The following NRG3 variants were observed in gnomAD, a reference collection of about 807,000 sequenced individuals.
NRG3 encodes neuregulin 3.
NRG3 carries 31 observed loss-of-function variants against 66.9 expected under a neutral mutation model. That is an observed-to-expected ratio of 0.46 (90% CI 0.35 to 0.63). The LOEUF (loss-of-function observed/expected upper bound fraction) is 0.63, where lower values mean the gene tolerates loss of function less well. NRG3 is among the 20% of genes least tolerant of loss of function. The probability of loss-of-function intolerance (pLI) is 0.00; values close to 1 mark genes in which losing one functional copy is unlikely to be tolerated. For missense variants in NRG3, 910 were observed against 878.9 expected, an observed-to-expected ratio of 1.04 and a Z score of -0.45; for synonymous variants, 393 against 359.4, an observed-to-expected ratio of 1.09 and a Z score of -1.06.
intron 1 of NRG3, among the ~76,000 whole-genome samples, chr10:82,137,056 C>T (rs2069417588): frequency 1.3e-5 from 2 of 152,154 alleles, no homozygotes; most frequent in Admixed American, 1.3e-4. Context: ...TCTGGAGGTG[C>T]TTTCTTGTGT....
chr10:82,418,061 A>G (rs2088709635), intron 2 of NRG3, among the ~76,000 whole-genome samples: 1 of 152,214 alleles, frequency 6.6e-6, no homozygotes, highest in South Asian at 2.1e-4. Flanking sequence ...AGAATTTGCC[A>G]TTTTAGTGAT....
chr10:82,324,375 T>C (rs888384643), intron 1 of NRG3, among the ~76,000 whole-genome samples: 7 of 152,138 alleles, frequency 4.6e-5, no homozygotes, highest in African/African-American at 1.7e-4. Context: ...AAGTTTTTAT[T>C]TCACTAGTTT....
intron 1 of NRG3, among the ~76,000 whole-genome samples, chr10:82,168,261 G>T (rs1438421129): frequency 6.6e-6 from 1 of 152,036 alleles, no homozygotes; most frequent in Non-Finnish European, 1.5e-5. Flanking sequence ...AAAATGCTGT[G>T]CTTGAAACCT....
rs544926704 is a variant in NRG3 at position 82,500,371 on chromosome 10, G to A, written c.953+141503G>A. The stretch of plus-strand genomic sequence containing the variant: ...AGCCTCTGAGCTACTTTGTTCCTCA[G>A]TGTCCCCATTGCATATACTTGGCAA... On this transcript the variant is annotated intron_variant, in intron 2 of 8. Coordinates refer to ENST00000372141, the MANE Select transcript of NRG3 (RefSeq NM_001010848.4). Among the ~76,000 whole-genome samples the A allele has an allele frequency of 2.2e-4, 34 of 152,248 alleles. No individual in the cohort carries two copies. In the South Asian group the frequency reaches 7.1e-3, roughly 32 times the overall value.
chr10:82,746,136 C>T (rs2058635415), intron 3 of NRG3, among the ~76,000 whole-genome samples: 1 of 152,176 alleles, frequency 6.6e-6, no homozygotes, highest in Non-Finnish European at 1.5e-5. Flanking sequence ...AGGAGATCCT[C>T]CCATCTCAGT....
At chr10:82,159,252 A>G (rs2071401924) in intron 1 of NRG3, among the ~76,000 whole-genome samples, 1 of 151,880 alleles carries the variant, frequency 6.6e-6, no homozygotes, top group African/African-American at 2.4e-5. Flanking sequence ...TCTCTATTGC[A>G]CTCAGGAAAT....
intron 2 of NRG3, among the ~76,000 whole-genome samples, chr10:82,456,311 T>C (rs920397606): frequency 6.6e-6 from 1 of 152,102 alleles, no homozygotes; most frequent in Admixed American, 6.5e-5. Flanking sequence ...GGCTAATTTT[T>C]TTTTATTTTT....
At chr10:81,927,297 T>G (rs1240388156) in intron 1 of NRG3, among the ~76,000 whole-genome samples, 3 of 152,200 alleles carry the variant, frequency 2.0e-5, no homozygotes, top group African/African-American at 7.2e-5. Flanking sequence ...ATATCCTATC[T>G]GCTGTAATTT....
chr10:82,086,552 ATCTGGG>A (rs1225215138), intron 1 of NRG3, among the ~76,000 whole-genome samples: 1 of 152,104 alleles, frequency 6.6e-6, no homozygotes, highest in African/African-American at 2.4e-5. Context: ...CTTCATATTG[ATCTGGG>A]TCTTGAACCA....
intron 1 of NRG3, among the ~76,000 whole-genome samples, chr10:82,124,041 C>T (rs987762929): frequency 2.0e-5 from 3 of 152,102 alleles, no homozygotes; most frequent in Middle Eastern, 3.4e-3. Flanking sequence ...ACCACTATTG[C>T]GATGTCATTT....
chr10:82,900,592 C>T (rs1198837511), intron 4 of NRG3, among the ~76,000 whole-genome samples: 1 of 152,028 alleles, frequency 6.6e-6, no homozygotes, highest in African/African-American at 2.4e-5. Flanking sequence ...ATAAAATAAA[C>T]AGTACTTATA....
At chr10:82,287,920 G>C (rs993334303) in intron 1 of NRG3, among the ~76,000 whole-genome samples, 32 of 152,292 alleles carry the variant, frequency 2.1e-4, no homozygotes, top group African/African-American at 7.7e-4. Context: ...TGTTGATCAT[G>C]ATTATCGGGA....
intron 1 of NRG3, among the ~76,000 whole-genome samples, chr10:82,106,074 G>C (rs924184384): frequency 6.6e-6 from 1 of 152,158 alleles, no homozygotes; most frequent in Non-Finnish European, 1.5e-5. Flanking sequence ...CACTAACCTT[G>C]TATTGACAGT....
intron 8 of NRG3, among the ~76,000 whole-genome samples, chr10:82,981,934 T>C (rs1852952261): frequency 6.6e-6 from 1 of 152,186 alleles, no homozygotes; most frequent in South Asian, 2.1e-4. Flanking sequence ...CAACTTTATA[T>C]ACTTCTCTTC....
At chr10:82,021,810 G>C (rs2062074670) in intron 1 of NRG3, among the ~76,000 whole-genome samples, 1 of 104,876 alleles carries the variant, frequency 9.5e-6, no homozygotes. Context: ...GTGTGTGTGT[G>C]TGTGTGTGTG....
chr10:82,818,772 C>T (rs769625116), intron 3 of NRG3, among the ~76,000 whole-genome samples: 8 of 152,184 alleles, frequency 5.3e-5, no homozygotes, highest in Non-Finnish European at 1.0e-4. Context: ...CTTCCACTGT[C>T]TCCCAACGCA....
At chr10:82,063,355 T>G (rs540822832) in intron 1 of NRG3, among the ~76,000 whole-genome samples, 1 of 152,234 alleles carries the variant, frequency 6.6e-6, no homozygotes, top group East Asian at 1.9e-4. Context: ...ACAAATATCT[T>G]AGCTTATAAT....
At chr10:82,903,586 G>A (rs1429472290) in intron 4 of NRG3, among the ~76,000 whole-genome samples, 3 of 152,062 alleles carry the variant, frequency 2.0e-5, no homozygotes, top group Non-Finnish European at 4.4e-5. Flanking sequence ...GTAAACAGAT[G>A]ACATAAACTT....
At chr10:82,945,677 C>T (rs1447698705) in intron 4 of NRG3, among the ~76,000 whole-genome samples, 1 of 152,148 alleles carries the variant, frequency 6.6e-6, no homozygotes, top group African/African-American at 2.4e-5. Flanking sequence ...CCTGTGATAA[C>T]TAGTTTACTC....
Sources: gnomAD v4.1 joint callset for allele counts (sites outside exome capture counted in the v4.1 genomes callset) on GRCh38, gnomAD v4.1.1 for gene constraint, MANE v1.5 for transcripts, NCBI Gene and HGNC (gene_info 2026-07-23, HGNC 2026-07-21) for gene names.